The following SLC36A1 variants were observed in gnomAD, a reference collection of about 807,000 sequenced individuals.
SLC36A1 encodes proton-coupled amino acid transporter 1.
SLC36A1 carries 30 observed loss-of-function variants against 47.5 expected under a neutral mutation model. The ratio of observed to expected loss-of-function variants is 0.63; its 90% CI spans 0.47 to 0.86. The LOEUF is 0.86. Among genes scored for constraint, SLC36A1 ranks in the 40% least tolerant of loss-of-function variants. The pLI is 0.00. For missense variants in SLC36A1, 517 were observed against 606.0 expected (o/e 0.85, Z 1.54); for synonymous variants, 255 against 249.7 (o/e 1.02, Z -0.20).
At chr5:151,553,050 G>T in the SLC36A1 span, 1 of 863,692 alleles carries the variant, frequency 1.2e-6, no homozygotes, top group Non-Finnish European at 1.8e-6. Flanking sequence ...CCCCACTCCG[G>T]GCTGAAAGAG....
chr5:151,536,348 A>G, the SLC36A1 span, among the ~76,000 whole-genome samples: 2 of 152,256 alleles, frequency 1.3e-5, no homozygotes, highest in South Asian at 4.2e-4. Context: ...GAAGGACAGC[A>G]TTGTCCCCTA....
chr5:151,352,091 G>A, the SLC36A1 span, among the ~76,000 whole-genome samples: 1 of 152,026 alleles, frequency 6.6e-6, no homozygotes, highest in Admixed American at 6.6e-5. Context: ...TGCTCTCTGT[G>A]CCTGCACTTT....
At chr5:151,383,271 G>C in the SLC36A1 span, among the ~76,000 whole-genome samples, 1 of 152,156 alleles carries the variant, frequency 6.6e-6, no homozygotes, top group African/African-American at 2.4e-5. Context: ...TGCCACAGCA[G>C]GATAGCAACG....
At chr5:151,355,032 A>G in the SLC36A1 span, among the ~76,000 whole-genome samples, 2 of 152,216 alleles carry the variant, frequency 1.3e-5, no homozygotes, top group African/African-American at 4.8e-5. Context: ...TGACCGAGGA[A>G]AAACACATTA....
chr5:151,441,853 TG>T (rs1204895307), intron 1 of SLC36A1, among the ~76,000 whole-genome samples: 1 of 152,198 alleles, frequency 6.6e-6, no homozygotes, highest in Non-Finnish European at 1.5e-5. Context: ...TATTCACCTG[TG>T]AAATCATCAC....
chr5:151,477,053 C>T (rs1008635651), intron 9 of SLC36A1: 9 of 460,548 alleles, frequency 2.0e-5, no homozygotes, highest in Non-Finnish European at 3.3e-5. Context: ...TAAACCATTC[C>T]AAATAGACAG....
chr5:151,503,487 C>T, the SLC36A1 span, among the ~76,000 whole-genome samples: 3 of 150,030 alleles, frequency 2.0e-5, no homozygotes, highest in Admixed American at 2.0e-4. Context: ...AACCTCAGAG[C>T]CACTGCCTGC....
the SLC36A1 span, among the ~76,000 whole-genome samples, chr5:151,534,926 A>G: frequency 6.8e-6 from 1 of 146,150 alleles, no homozygotes; most frequent in Non-Finnish European, 1.5e-5. Context: ...CTAACAATAT[A>G]TAAAATGCAT....
chr5:151,476,516 AG>A (rs1434915533), intron 8 of SLC36A1, 73 bp from the exon 9 acceptor site: 1 of 1,179,156 alleles, frequency 8.5e-7, no homozygotes, highest in African/African-American at 1.5e-5. Context: ...TTTTTTTCTG[AG>A]GTTTTTTTTT....
chr5:151,473,625 G>A lies in SLC36A1; in HGVS notation c.724-48G>A, dbSNP rs755811210. ...TTCAGAGTTCAAATCTTGAATTTCT[G>A]TATAGCCTTTTGCTTTGTTTTGCTT... On this transcript the variant is annotated intron_variant, in intron 7 of 10. Transcript: ENST00000243389. 5 of 1,212,460 alleles carry A rather than the reference G, an allele frequency of 4.1e-6. No homozygotes were observed. In the Admixed American group the frequency reaches 9.1e-5, roughly 22 times the overall value. The allele number at this position is 1,212,460 out of a possible 1,614,324, so 75.1% of individuals were successfully genotyped here.
the SLC36A1 span, among the ~76,000 whole-genome samples, chr5:151,423,396 C>T: frequency 7.9e-5 from 12 of 152,198 alleles, no homozygotes; most frequent in East Asian, 1.9e-4. Context: ...AAATGTCCTT[C>T]GGTAAGTGAA....
the SLC36A1 span, chr5:151,550,641 C>G: frequency 1.2e-6 from 2 of 1,614,174 alleles, no homozygotes; most frequent in East Asian, 4.5e-5. Flanking sequence ...CCAATTTTCC[C>G]ACCGTTACCA....
rs1383465178 is a variant in SLC36A1 at position 151,468,291 on chromosome 5, ATATTTT to A, written c.723+367_723+372del. On this transcript the variant is annotated intron_variant, in intron 7 of 10. Transcript: ENST00000243389. ...AATATATATATATATATATATATATATATTTTATATATATATATTTACATATATGTG... is the reference window on the plus strand; with the variant it reads ...AATATATATATATATATATATATATAATATATATATATTTACATATATGTG... 2.2e-4 allele frequency among the ~76,000 whole-genome samples: 22 copies of A among 99,632 alleles called. 1 individual carries two copies. Among genetic ancestry groups the A allele is most frequent in the African/African-American group, 9.3e-4 (21 of 22,558 alleles). The allele number at this position is 99,632 out of a possible 152,430, so 65.4% of individuals were successfully genotyped here.
the SLC36A1 span, among the ~76,000 whole-genome samples, chr5:151,416,678 C>T: frequency 1.6e-4 from 25 of 152,218 alleles, no homozygotes; most frequent in East Asian, 2.1e-3. Context: ...CCCCTGGCTG[C>T]GGAGATAGGT....
the SLC36A1 span, among the ~76,000 whole-genome samples, chr5:151,408,999 CTTTT>C: frequency 7.1e-6 from 1 of 140,630 alleles, no homozygotes; most frequent in Non-Finnish European, 1.5e-5. Context: ...TTTCTTTCCT[CTTTT>C]TTTTTTTTTC....
the SLC36A1 span, among the ~76,000 whole-genome samples, chr5:151,393,126 T>C: frequency 6.6e-6 from 1 of 151,798 alleles, no homozygotes; most frequent in Admixed American, 6.5e-5. Flanking sequence ...TTAGCTCTTC[T>C]TGTTGAATTG....
chr5:151,420,878 C>CTT, the SLC36A1 span, among the ~76,000 whole-genome samples: 2,185 of 143,984 alleles, frequency 0.015, 54 homozygotes, highest in African/African-American at 0.051. Flanking sequence ...CTCTTTCTTT[C>CTT]TTTTTTTTTT....
the SLC36A1 span, among the ~76,000 whole-genome samples, chr5:151,508,256 C>G: frequency 2.0e-5 from 3 of 152,204 alleles, no homozygotes; most frequent in African/African-American, 7.2e-5. Flanking sequence ...AATGTCACTA[C>G]CAGTTGTTTG....
intron 10 of SLC36A1, chr5:151,480,248 T>C: frequency 2.2e-6 from 1 of 463,120 alleles, no homozygotes; most frequent in Non-Finnish European, 3.7e-6. Context: ...TTCAAATGCT[T>C]AAAAGCATAG....
Sources: gnomAD v4.1 joint callset for allele counts (sites outside exome capture counted in the v4.1 genomes callset) on GRCh38, gnomAD v4.1.1 for gene constraint, MANE v1.5 for transcripts, NCBI Gene and HGNC (gene_info 2026-07-23, HGNC 2026-07-21) for gene names.